RAB27B: variants seen among roughly 807,000 people sequenced by gnomAD.
The protein encoded by RAB27B is RAB27B, member RAS oncogene family, also known as ras-related protein Rab-27B.
RAB27B carries 15 observed loss-of-function variants against 24.6 expected under a neutral mutation model. The ratio of observed to expected loss-of-function variants is 0.61; its 90% CI spans 0.41 to 0.94. RAB27B has a LOEUF of 0.94. Among genes scored for constraint, RAB27B ranks in the 40% least tolerant of loss-of-function variants. The pLI, the probability that RAB27B is intolerant of heterozygous loss-of-function variation, is 0.00. For synonymous variants in RAB27B, 105 were observed against 92.5 expected (o/e 1.14, Z -0.78); for missense variants, 261 against 266.8 (o/e 0.98, Z 0.15).
rs374289936 is a variant in RAB27B, at chr18:54,837,880, G to A, written c.-20+9180G>A. Among the ~76,000 whole-genome samples the A allele has an allele frequency of 1.4e-3, 220 of 152,164 alleles. 5 individuals are homozygous for A. The South Asian group carries it at 0.036, about 25-fold the overall frequency. On this transcript the variant is annotated intron_variant, in intron 1 of 5. Transcript: ENST00000262094. ...TAGCTTCTGTGGGGGCAATCACTAA[G>A]TAATGTTTCCTTCATGCATAATTCT... is the stretch of plus-strand genomic sequence containing the variant.
intron 1 of RAB27B, among the ~76,000 whole-genome samples, chr18:54,839,529 A>G (rs1031189210): frequency 1.3e-5 from 2 of 152,190 alleles, no homozygotes; most frequent in Admixed American, 1.3e-4. Context: ...GCACAACTGA[A>G]CTAGGTAATG....
chr18:54,865,617 T>C (rs1294224172), intron 1 of RAB27B, among the ~76,000 whole-genome samples: 2 of 152,210 alleles, frequency 1.3e-5, no homozygotes, highest in Admixed American at 1.3e-4. Flanking sequence ...TATGTGGATA[T>C]GAAGCAGAAG....
At chr18:54,737,064 A>G (rs1292087626) in intron 2 of RAB27B, among the ~76,000 whole-genome samples, 1 of 152,154 alleles carries the variant, frequency 6.6e-6, no homozygotes, top group Non-Finnish European at 1.5e-5. Flanking sequence ...GCATAAGTAA[A>G]CCACCTCCAA....
upstream of RAB27B, among the ~76,000 whole-genome samples, chr18:54,824,897 T>C (rs1910424605): frequency 6.6e-6 from 1 of 152,216 alleles, no homozygotes; most frequent in Non-Finnish European, 1.5e-5. Context: ...TTCACACTTA[T>C]TGCTCTGGAG....
At chr18:54,869,961 A>C (rs1912397185) in intron 1 of RAB27B, among the ~76,000 whole-genome samples, 1 of 152,194 alleles carries the variant, frequency 6.6e-6, no homozygotes, top group Admixed American at 6.5e-5. Context: ...CGAAGAAAAC[A>C]GAAGATAATT....
At chr18:54,771,441 T>A (rs1463955018) in intron 2 of RAB27B, among the ~76,000 whole-genome samples, 2 of 152,136 alleles carry the variant, frequency 1.3e-5, no homozygotes, top group Non-Finnish European at 2.9e-5. Flanking sequence ...GAGGTAAACA[T>A]TTCTAAGGGT....
chr18:54,780,546 G>A (rs553410120), intron 2 of RAB27B, among the ~76,000 whole-genome samples: 21 of 151,938 alleles, frequency 1.4e-4, no homozygotes, highest in African/African-American at 4.1e-4. Flanking sequence ...CTGTGTCCTC[G>A]CGTGGCCTTT....
At chr18:54,766,376 G>A (rs1908362326) in intron 2 of RAB27B, among the ~76,000 whole-genome samples, 1 of 152,136 alleles carries the variant, frequency 6.6e-6, no homozygotes, top group Non-Finnish European at 1.5e-5. Flanking sequence ...AGAGCACCAG[G>A]TTAGGATTTG....
intron 2 of RAB27B, among the ~76,000 whole-genome samples, chr18:54,734,014 T>A (rs1017429217): frequency 2.0e-5 from 3 of 152,182 alleles, no homozygotes; most frequent in Non-Finnish European, 4.4e-5. Context: ...TACAAAAGCA[T>A]AATCTACTAA....
intron 1 of RAB27B, among the ~76,000 whole-genome samples, chr18:54,850,361 C>CATACATATATATATATAT (rs1911529756): frequency 3.1e-5 from 2 of 64,916 alleles, no homozygotes; most frequent in African/African-American, 1.3e-4. Context: ...TATATATATA[C>CATACATATATATATATAT]ATACATACAT....
At chr18:54,795,724 C>A (rs1206342256) in intron 2 of RAB27B, among the ~76,000 whole-genome samples, 3 of 152,072 alleles carry the variant, frequency 2.0e-5, no homozygotes, top group African/African-American at 7.2e-5. Flanking sequence ...GGGTCAATTT[C>A]TATGTATATC....
intron 1 of RAB27B, among the ~76,000 whole-genome samples, chr18:54,874,078 T>C (rs1912592298): frequency 6.6e-6 from 1 of 152,168 alleles, no homozygotes; most frequent in Non-Finnish European, 1.5e-5. Flanking sequence ...CAGGCAGGTT[T>C]ATGTACAAAA....
At position 54,844,375 on chromosome 18, in the gene RAB27B, C is replaced by CTTCT. The variant is rs369342894; in HGVS notation, c.-20+15698_-20+15701dup. On this transcript the variant is annotated intron_variant, in intron 1 of 5. Transcript: ENST00000262094. ...TTTTCATTTTGAGTTACTTTTATCT[C>CTTCT]TTCTTTCTTTCTTTCTTTCTTTCTT... Among the ~76,000 whole-genome samples, 659 of 144,996 alleles carry CTTCT rather than the reference C, an allele frequency of 4.5e-3. 5 individuals are homozygous for CTTCT. Among genetic ancestry groups the CTTCT allele is most frequent in the African/African-American group, 0.016 (598 of 38,436 alleles).
At chr18:54,773,282 G>T (rs1357102548) in intron 2 of RAB27B, among the ~76,000 whole-genome samples, 2 of 152,188 alleles carry the variant, frequency 1.3e-5, no homozygotes, top group Non-Finnish European at 2.9e-5. Context: ...TCTCTTCAAA[G>T]ATGCTCTTGA....
At chr18:54,755,617 G>A (rs940251447) in intron 2 of RAB27B, among the ~76,000 whole-genome samples, 2 of 152,012 alleles carry the variant, frequency 1.3e-5, no homozygotes, top group African/African-American at 4.8e-5. Context: ...GCTAAGGAGA[G>A]GTCAGATAAA....
chr18:54,728,384 G>C (rs923641621), intron 2 of RAB27B, among the ~76,000 whole-genome samples: 1 of 152,292 alleles, frequency 6.6e-6, no homozygotes, highest in East Asian at 1.9e-4. Flanking sequence ...CCCTCAGCTA[G>C]AAAGACAATC....
chr18:54,878,804 T>G lies in RAB27B; in HGVS notation c.154-565T>G, dbSNP rs1435224846. On this transcript the variant is annotated intron_variant, in intron 2 of 5. Coordinates refer to ENST00000262094, the MANE Select transcript of RAB27B (RefSeq NM_004163.4). ...TAAAAAGAGCCTTTGACTAAATGATTAGTGAAGAAAGGCTTGAAATGTCCT... is the reference window on the plus strand; with the variant it reads ...TAAAAAGAGCCTTTGACTAAATGATGAGTGAAGAAAGGCTTGAAATGTCCT... Among the ~76,000 whole-genome samples, 6 of 152,304 alleles carry G rather than the reference T, an allele frequency of 3.9e-5. No individual in the cohort carries two copies. The East Asian group carries it at 1.2e-3, about 29-fold the overall frequency.
chr18:54,733,480 T>C (rs1316894186), intron 2 of RAB27B, among the ~76,000 whole-genome samples: 3 of 151,568 alleles, frequency 2.0e-5, no homozygotes, highest in Non-Finnish European at 2.9e-5. Context: ...GAGCAACTAC[T>C]GAGGTCACAA....
intron 2 of RAB27B, among the ~76,000 whole-genome samples, chr18:54,776,438 T>C (rs1023237553): frequency 6.6e-6 from 1 of 152,194 alleles, no homozygotes; most frequent in Non-Finnish European, 1.5e-5. Context: ...GGGGGTTTCC[T>C]GAAACCTCCA....
Sources: gnomAD v4.1 joint callset for allele counts (sites outside exome capture counted in the v4.1 genomes callset) on GRCh38, gnomAD v4.1.1 for gene constraint, MANE v1.5 for transcripts, NCBI Gene and HGNC (gene_info 2026-07-23, HGNC 2026-07-21) for gene names.